USP30: variants seen among roughly 807,000 people sequenced by gnomAD.
USP30 encodes ubiquitin carboxyl-terminal hydrolase 30.
A neutral mutation model predicts 68.2 loss-of-function variants in USP30; 41 were observed. That is an observed-to-expected ratio of 0.60 (90% CI 0.47 to 0.78). USP30 has a LOEUF of 0.78. Ranked by LOEUF, USP30 falls within the 30% of genes least tolerant of loss-of-function variation. The pLI, the probability that USP30 is intolerant of heterozygous loss-of-function variation, is 0.00. For synonymous variants in USP30, 229 were observed against 253.7 expected (o/e 0.90, Z 0.93); for missense variants, 522 against 649.4 (o/e 0.80, Z 2.13).
Position 109,055,400 on chromosome 12 carries a change from ATTTTTTTT to A in USP30, c.84-1269_84-1262del, listed in dbSNP as rs869090869. On this transcript the variant is annotated intron_variant, in intron 1 of 12. Transcript: ENST00000257548. ...TATACATATATATATATATATATATATTTTTTTTTTTTTTTTTTTTGAGGCAGAGTCTC... is the reference window on the plus strand; with the variant it reads ...TATACATATATATATATATATATATATTTTTTTTTTTTGAGGCAGAGTCTC... 3.2e-3 allele frequency among the ~76,000 whole-genome samples: 79 copies of A among 24,476 alleles called. 5 individuals carry two copies. Among genetic ancestry groups the A allele is most frequent in the Middle Eastern group, 0.026 (1 of 38 alleles). 16.1% of individuals were successfully genotyped at this position (24,476 alleles called of 152,430 possible).
rs140414657 is a variant in USP30, at chr12:109,070,052, G to A, written c.481-1560G>A. Among the ~76,000 whole-genome samples, 23 of 152,216 alleles carry A rather than the reference G, an allele frequency of 1.5e-4. No individual in the cohort carries two copies. The highest frequency in any genetic ancestry group is 4.6e-4 in the African/African-American group (19 of 41,518). Reference sequence around the variant, plus strand: ...GTGCAGGGACTAGGAGGCTGCGGGCGGCATCAGCTTCTATTGTGTTTGCAG... The same window carrying A: ...GTGCAGGGACTAGGAGGCTGCGGGCAGCATCAGCTTCTATTGTGTTTGCAG... On this transcript the variant is annotated intron_variant, in intron 4 of 12. Transcript: ENST00000257548. This position sits in a 1 kb window ranked among gnomAD's most constrained non-coding sequence, Gnocchi z 4.0.
Position 109,083,019 on chromosome 12 carries a change from G to A in USP30, c.1125G>A (p.Gly375=). 1 of 1,613,810 alleles carries A rather than the reference G, an allele frequency of 6.2e-7. No homozygotes were observed. The highest frequency in any genetic ancestry group is 1.1e-5 in the South Asian group (1 of 91,048). The change falls in exon 11 of 13, where the codon GGG becomes GGA. Residue 375 remains glycine, a synonymous_variant. Coordinates refer to ENST00000257548, the MANE Select transcript of USP30 (RefSeq NM_032663.5). ...ACCCTAAACTGAACAAGAACCCAGGGCCTACACTGGAGCTGCAGGATGGGC... is the reference window on the plus strand; with the variant it reads ...ACCCTAAACTGAACAAGAACCCAGGACCTACACTGGAGCTGCAGGATGGGC... The part of the protein sequence containing the change: ...QHNPKLNKNP[G]PTLELQDGPG...
chr12:109,040,965 C>T (rs933135700), intron 3 of USP30, among the ~76,000 whole-genome samples: 5 of 152,124 alleles, frequency 3.3e-5, no homozygotes, highest in Admixed American at 6.5e-5. Context: ...CCTACATGGT[C>T]AAAATTCTCA....
chr12:109,083,029 G>C lies in USP30; in HGVS notation c.1135G>C (p.Glu379Gln). ...GAACAAGAACCCAGGGCCTACACTG[G>C]AGCTGCAGGATGGGCCGGGAGCCCC... The part of the protein sequence containing the change: ...KLNKNPGPTL[E>Q]LQDGPGAPTP... Residue 379 changes from glutamate to glutamine, a missense_variant, in exon 11 of 13, where the codon GAG (glutamate) becomes CAG (glutamine). Transcript: ENST00000257548. 6.2e-7 allele frequency: 1 copy of C among 1,613,106 alleles called. No homozygotes were observed. The highest frequency in any genetic ancestry group is 8.5e-7 in the Non-Finnish European group (1 of 1,179,398).
intron 1 of USP30, among the ~76,000 whole-genome samples, chr12:109,053,224 G>A (rs964036560): frequency 3.3e-5 from 5 of 152,042 alleles, no homozygotes; most frequent in African/African-American, 1.2e-4. Context: ...CCGGGCCTGC[G>A]AGCCCCGCGT....
At chr12:109,052,412 A>G (rs575583355), upstream of USP30, 4 of 354,452 alleles carry the variant, frequency 1.1e-5, no homozygotes, top group Non-Finnish European at 2.0e-5. Context: ...AAAACCAAGC[A>G]GCCCCAGGCA....
intron 1 of USP30, among the ~76,000 whole-genome samples, chr12:109,023,338 A>C (rs951315707): frequency 3.9e-5 from 6 of 152,106 alleles, no homozygotes; most frequent in Non-Finnish European, 8.8e-5. Context: ...GGATCACTTG[A>C]GGTCAGGAGT....
intron 7 of USP30, among the ~76,000 whole-genome samples, chr12:109,076,772 C>A (rs375206887): frequency 2.5e-4 from 36 of 143,476 alleles, no homozygotes; most frequent in East Asian, 1.8e-3. Context: ...TGCTCTGTCG[C>A]CCAGGCTGGA....
In USP30 at chr12:109,073,431, A is replaced by G; in HGVS notation, c.626-7A>G. On this transcript the variant is annotated splice_polypyrimidine_tract_variant and splice_region_variant and intron_variant, in intron 6 of 12. Transcript: ENST00000257548. ...AGTGACATATCAAAAAACTTTTTGC[A>G]TTCCAGGGTCACCTCACCCTACATC... The G allele has an allele frequency of 1.9e-6, 3 of 1,612,416 alleles. No homozygotes were observed. The highest frequency in any genetic ancestry group is 2.5e-6 in the Non-Finnish European group (3 of 1,178,512).
chr12:109,038,126 G>T (rs1411045683), intron 3 of USP30, among the ~76,000 whole-genome samples: 1 of 151,740 alleles, frequency 6.6e-6, no homozygotes, highest in Non-Finnish European at 1.5e-5. Flanking sequence ...TAGGTATTTA[G>T]CCCAACATTC....
intron 3 of USP30, among the ~76,000 whole-genome samples, chr12:109,045,426 T>C (rs1043351704): frequency 6.6e-6 from 1 of 151,372 alleles, no homozygotes; most frequent in Non-Finnish European, 1.5e-5. Context: ...AACAGAAATG[T>C]GGGGTGCAGA....
In USP30 at chr12:109,085,995, C is replaced by A; in HGVS notation, c.*64C>A. ...TGCACTGTCCAGGAAAAAAGTAAAA[C>A]TGTACTGTTGCGTGTGCAAGCGGCC... On this transcript the variant is annotated 3_prime_UTR_variant, in exon 13 of 13. Coordinates refer to ENST00000257548, the MANE Select transcript of USP30 (RefSeq NM_032663.5). 1 of 1,545,026 alleles carries A rather than the reference C, an allele frequency of 6.5e-7. No individual in the cohort carries two copies. Among genetic ancestry groups the A allele is most frequent in the Admixed American group, 1.9e-5 (1 of 52,214 alleles).
chr12:109,057,419 T>G (rs368041743), intron 2 of USP30, among the ~76,000 whole-genome samples: 6 of 152,280 alleles, frequency 3.9e-5, no homozygotes, highest in African/African-American at 1.4e-4. Context: ...GAGAGAAGTA[T>G]ATTAGATTTC....
At chr12:109,036,631 T>C (rs188016504) in intron 3 of USP30, among the ~76,000 whole-genome samples, 1 of 152,338 alleles carries the variant, frequency 6.6e-6, no homozygotes. Flanking sequence ...CTCTGTTTTT[T>C]TGTTTTGTTT....
chr12:109,035,985 A>G lies in USP30; in HGVS notation c.-136+8429A>G, dbSNP rs147740274. 2.1e-3 allele frequency among the ~76,000 whole-genome samples: 321 copies of G among 152,228 alleles called. 1 individual carries two copies. The highest frequency in any genetic ancestry group is 7.0e-3 in the African/African-American group (291 of 41,532). On this transcript the variant is annotated intron_variant, in intron 3 of 15. Coordinates refer to the USP30 transcript ENST00000392784. ...CCAGACCTGGTCAACATAGTGAGAC[A>G]TCATCTCTGCAAAAAATAAACAAAA... is the stretch of plus-strand genomic sequence containing the variant.
intron 3 of USP30, among the ~76,000 whole-genome samples, chr12:109,064,186 G>C: frequency 6.6e-6 from 1 of 151,888 alleles, no homozygotes; most frequent in East Asian, 1.9e-4. Context: ...TTGGTTTTTT[G>C]TTGTTGAGTT....
rs1015290378 is a variant in USP30, at chr12:109,068,557, C to T, written c.480+930C>T. 4.6e-5 allele frequency among the ~76,000 whole-genome samples: 7 copies of T among 152,158 alleles called. No homozygotes were observed. In the South Asian group the frequency reaches 1.0e-3, roughly 22 times the overall value. ...CAGTTAATCCAATTGTATGTTGCAA[C>T]GTTTTTCTATTTAGAAAATACTTTT... On this transcript the variant is annotated intron_variant, in intron 4 of 12. Coordinates refer to ENST00000257548, the MANE Select transcript of USP30 (RefSeq NM_032663.5).
intron 1 of USP30, chr12:109,054,586 C>T (rs2040783519): frequency 6.6e-6 from 1 of 152,148 alleles, no homozygotes; most frequent in African/African-American, 2.4e-5. Context: ...CATGAATGAT[C>T]CTGAGATTGT....
chr12:109,051,184 T>G (rs1422169601), upstream of USP30, among the ~76,000 whole-genome samples: 3 of 150,552 alleles, frequency 2.0e-5, no homozygotes, highest in Non-Finnish European at 4.4e-5. Context: ...CCACTGCACC[T>G]GCCCCAATAT....
Sources: allele counts gnomAD v4.1 joint callset (sites outside exome capture counted in the v4.1 genomes callset), GRCh38; gene constraint gnomAD v4.1.1; non-coding constraint Gnocchi (gnomAD v3.1); transcripts MANE v1.5; gene names NCBI Gene and HGNC (gene_info 2026-07-23, HGNC 2026-07-21).